Variants in NIBAN1 observed in about 807,000 individuals in gnomAD.
NIBAN1 encodes the protein niban apoptosis regulator 1.
In NIBAN1, 81 loss-of-function variants were observed where a neutral mutation model predicts 75.1. That is an observed-to-expected ratio of 1.08 (90% CI 0.90 to 1.30). The LOEUF is 1.30. Among genes scored for constraint, NIBAN1 ranks in the 50% most tolerant of loss-of-function variants. The pLI, the probability that NIBAN1 is intolerant of heterozygous loss-of-function variation, is 0.00. For synonymous variants in NIBAN1, 436 were observed against 424.8 expected, an observed-to-expected ratio of 1.03 and a Z score of -0.32; for missense variants, 1,133 against 1,128.1, an observed-to-expected ratio of 1.00 and a Z score of -0.06.
At chr1:184,883,870 T>A (rs1372258137) in intron 5 of NIBAN1, among the ~76,000 whole-genome samples, 1 of 152,070 alleles carries the variant, frequency 6.6e-6, no homozygotes, top group East Asian at 1.9e-4. Context: ...GTGCCACTCA[T>A]CTTAACTGAG....
chr1:184,865,958 T>G (rs1655945278), intron 5 of NIBAN1, among the ~76,000 whole-genome samples: 1 of 152,164 alleles, frequency 6.6e-6, no homozygotes, highest in Non-Finnish European at 1.5e-5. Context: ...AAAATAGACC[T>G]TTCTCCTAAA....
At chr1:184,826,067 A>G (rs1386535001) in intron 6 of NIBAN1, among the ~76,000 whole-genome samples, 1 of 152,194 alleles carries the variant, frequency 6.6e-6, no homozygotes. Flanking sequence ...TAACGCTTTC[A>G]CTGAAGCAAA....
chr1:184,819,172 GCA>G (rs1248671012), intron 8 of NIBAN1, among the ~76,000 whole-genome samples: 2 of 152,068 alleles, frequency 1.3e-5, no homozygotes, highest in African/African-American at 4.8e-5. Flanking sequence ...CATTAAATAT[GCA>G]CAGTTTGTCT....
rs189583254 is a variant in NIBAN1, at chr1:184,835,627, C to T, written c.602-3665G>A. 3.5e-3 allele frequency among the ~76,000 whole-genome samples: 537 copies of T among 152,186 alleles called. 2 individuals carry two copies. The highest frequency in any genetic ancestry group is 0.012 in the African/African-American group (487 of 41,540). ...GCAATTGTGAATGGGAGTTCACTCA[C>T]GATTTGGCTCTCTGTTTGTCTGTTA... is the stretch of plus-strand genomic sequence containing the variant. On this transcript the variant is annotated intron_variant, in intron 5 of 13. Coordinates refer to ENST00000367511, the MANE Select transcript of NIBAN1 (RefSeq NM_052966.4).
intron 4 of NIBAN1, among the ~76,000 whole-genome samples, chr1:184,889,022 C>T (rs1221959141): frequency 6.6e-6 from 1 of 152,122 alleles, no homozygotes; most frequent in Admixed American, 6.5e-5. Context: ...TGTTTTTCTC[C>T]ATAAATTCTA....
At chr1:184,883,566 G>A (rs1656431455) in intron 5 of NIBAN1, among the ~76,000 whole-genome samples, 1 of 152,166 alleles carries the variant, frequency 6.6e-6, no homozygotes, top group Non-Finnish European at 1.5e-5. Flanking sequence ...ATCACATATT[G>A]GAATGAGAAG....
At chr1:184,861,122 C>CT (rs1309688884) in intron 5 of NIBAN1, among the ~76,000 whole-genome samples, 1 of 152,240 alleles carries the variant, frequency 6.6e-6, no homozygotes, top group African/African-American at 2.4e-5. Context: ...CTAGTCAACT[C>CT]TGCCATTCTA....
intron 8 of NIBAN1, among the ~76,000 whole-genome samples, chr1:184,821,896 A>T (rs1042869341): frequency 2.0e-5 from 3 of 152,146 alleles, no homozygotes; most frequent in Non-Finnish European, 4.4e-5. Flanking sequence ...CCAGTGCTGG[A>T]GCTGTGCCTC....
chr1:184,877,969 G>A (rs1246889773), intron 5 of NIBAN1, among the ~76,000 whole-genome samples: 1 of 150,462 alleles, frequency 6.6e-6, no homozygotes, highest in African/African-American at 2.5e-5. Flanking sequence ...TTTAATGATT[G>A]TTCCAATTTG....
chr1:184,906,423 A>G (rs1571563680), intron 1 of NIBAN1, among the ~76,000 whole-genome samples: 2 of 151,930 alleles, frequency 1.3e-5, no homozygotes, highest in Non-Finnish European at 2.9e-5. Flanking sequence ...CTGAGGTCAG[A>G]AGTTCTAGAC....
intron 9 of NIBAN1, among the ~76,000 whole-genome samples, chr1:184,818,384 C>T (rs568060696): frequency 6.6e-6 from 1 of 152,212 alleles, no homozygotes; most frequent in South Asian, 2.1e-4. Flanking sequence ...TATGTTGCTT[C>T]ACTTGTACAC....
intron 9 of NIBAN1, among the ~76,000 whole-genome samples, chr1:184,810,744 C>A (rs1238635369): frequency 3.3e-5 from 5 of 152,178 alleles, no homozygotes; most frequent in Non-Finnish European, 5.9e-5. Context: ...CTGTGAGGCA[C>A]CCCCGGAGAA....
At chr1:184,905,021 T>C (rs772646891) in intron 1 of NIBAN1, among the ~76,000 whole-genome samples, 10 of 151,910 alleles carry the variant, frequency 6.6e-5, no homozygotes, top group Non-Finnish European at 1.0e-4. Context: ...AAACAGGAAC[T>C]CTCAGCTCTT....
chr1:184,877,597 A>G (rs1557897210), intron 5 of NIBAN1, among the ~76,000 whole-genome samples: 1 of 152,198 alleles, frequency 6.6e-6, no homozygotes, highest in Non-Finnish European at 1.5e-5. Flanking sequence ...TCACTGTTCA[A>G]TAACAACAGA....
At chr1:184,861,101 C>T (rs1450537825) in intron 5 of NIBAN1, among the ~76,000 whole-genome samples, 1 of 152,226 alleles carries the variant, frequency 6.6e-6, no homozygotes, top group Non-Finnish European at 1.5e-5. Context: ...GCCATTCAGT[C>T]TCTGTTGCCA....
At chr1:184,917,628 T>C (rs1372406569) in intron 1 of NIBAN1, among the ~76,000 whole-genome samples, 1 of 152,084 alleles carries the variant, frequency 6.6e-6, no homozygotes, top group Non-Finnish European at 1.5e-5. Context: ...ATAAGTTTCA[T>C]TTCTCTTCTA....
intron 5 of NIBAN1, among the ~76,000 whole-genome samples, chr1:184,870,481 C>A (rs547572372): frequency 6.6e-6 from 1 of 152,122 alleles, no homozygotes; most frequent in African/African-American, 2.4e-5. Flanking sequence ...CTCTACAACT[C>A]GAAAAAGTTC....
At chr1:184,963,997 T>C (rs1469259476) in intron 1 of NIBAN1, among the ~76,000 whole-genome samples, 1 of 150,284 alleles carries the variant, frequency 6.7e-6, no homozygotes, top group African/African-American at 2.5e-5. Context: ...AGAGCAATAA[T>C]AACTAAATCG....
intron 5 of NIBAN1, among the ~76,000 whole-genome samples, chr1:184,847,202 A>C (rs1297566415): frequency 3.5e-4 from 4 of 11,334 alleles, no homozygotes; most frequent in Non-Finnish European, 1.5e-4. Context: ...ATGAAGGAAA[A>C]AATGTTAAGG....
Sources: allele counts gnomAD v4.1 joint callset (sites outside exome capture counted in the v4.1 genomes callset), GRCh38; gene constraint gnomAD v4.1.1; transcripts MANE v1.5; gene names NCBI Gene and HGNC (gene_info 2026-07-23, HGNC 2026-07-21).